Variants in YARS1 observed in about 807,000 individuals in gnomAD.
YARS1 encodes tyrosine--tRNA ligase, cytoplasmic.
A neutral mutation model predicts 62.2 loss-of-function variants in YARS1; 36 were observed. The ratio of observed to expected loss-of-function variants is 0.58; its 90% CI spans 0.44 to 0.76. The LOEUF (loss-of-function observed/expected upper bound fraction) is 0.76. Ranked by LOEUF, YARS1 falls within the 30% of genes least tolerant of loss-of-function variation. YARS1 has a pLI of 0.00. For missense variants in YARS1, 524 were observed against 639.8 expected (o/e 0.82, Z 1.95); for synonymous variants, 234 against 244.9 (o/e 0.96, Z 0.42).
intron 4 of YARS1, among the ~76,000 whole-genome samples, 177 bp downstream of exon 4, chr1:32,806,305 C>CACAT (rs993203122): frequency 2.6e-5 from 4 of 152,174 alleles, no homozygotes; most frequent in African/African-American, 7.2e-5. Context: ...ACGAAGTGAG[C>CACAT]ACATGCTGTT....
chr1:32,797,001 T>A (rs1347501058), intron 5 of YARS1, among the ~76,000 whole-genome samples: 532 of 6,262 alleles, frequency 0.085, 116 homozygotes, highest in South Asian at 0.23. Flanking sequence ...AAAAAATATA[T>A]ATATATATAT....
At chr1:32,789,180 T>C (rs572333105) in intron 6 of YARS1, among the ~76,000 whole-genome samples, 63 of 152,332 alleles carry the variant, frequency 4.1e-4, no homozygotes, top group Admixed American at 2.7e-3. Context: ...AAACATAATT[T>C]AGCAAACTCC....
chr1:32,790,238 GT>G (rs1444151119), intron 6 of YARS1, among the ~76,000 whole-genome samples: 16 of 142,410 alleles, frequency 1.1e-4, no homozygotes, highest in Non-Finnish European at 2.3e-4. Flanking sequence ...GCTGGGTGCA[GT>G]GGCTCACGCC....
intron 4 of YARS1, among the ~76,000 whole-genome samples, chr1:32,800,740 A>C (rs1638266045): frequency 6.6e-6 from 1 of 151,872 alleles, no homozygotes; most frequent in South Asian, 2.1e-4. Flanking sequence ...CACCTGGCTA[A>C]TTTTTTGTAT....
rs1417376070 is a variant in YARS1 at position 32,786,461 on chromosome 1, G to A, written c.821-14C>T. 6.2e-7 allele frequency: 1 copy of A among 1,610,798 alleles called. No homozygotes were observed. The highest frequency in any genetic ancestry group is 8.5e-7 in the Non-Finnish European group (1 of 1,177,770). On this transcript the variant is annotated splice_polypyrimidine_tract_variant and intron_variant, in intron 7 of 12. Transcript: ENST00000373477. ...GGATCACAAACTCTATAAGGAAAAG[G>A]ATCCATGTCAACAAACTCATTGACA...
chr1:32,786,517 TAGCC>T, intron 7 of YARS1, 70 bp from the exon 8 acceptor site: 1 of 932,448 alleles, frequency 1.1e-6, no homozygotes. Context: ...TGACTATTCC[TAGCC>T]CACATGCATG....
Sources: allele counts gnomAD v4.1 joint callset (sites outside exome capture counted in the v4.1 genomes callset), GRCh38; gene constraint gnomAD v4.1.1; transcripts MANE v1.5; gene names NCBI Gene and HGNC (gene_info 2026-07-23, HGNC 2026-07-21).